Variants in ATXN7 observed in about 807,000 individuals in gnomAD.
ATXN7 encodes the protein ataxin 7, also known as ataxin-7.
Under a neutral mutation model 70.5 loss-of-function variants are expected in ATXN7, and 12 were observed. The observed-to-expected ratio is 0.17, with a 90% confidence interval of 0.11 to 0.28. The LOEUF (loss-of-function observed/expected upper bound fraction) is 0.28. ATXN7 is among the 10% of genes least tolerant of loss of function. The pLI, the probability that ATXN7 is intolerant of heterozygous loss-of-function variation, is 1.00. For missense variants in ATXN7, 1,256 were observed against 1,131.7 expected, an observed-to-expected ratio of 1.11 and a Z score of -1.58; for synonymous variants, 498 against 448.7, an observed-to-expected ratio of 1.11 and a Z score of -1.39.
At chr3:63,997,253 A>G (rs1461424474) in intron 12 of ATXN7, among the ~76,000 whole-genome samples, 4 of 151,480 alleles carry the variant, frequency 2.6e-5, no homozygotes, top group African/African-American at 9.7e-5. Flanking sequence ...CTATGTCTCA[A>G]AAAAAAAAGA....
chr3:64,003,205 C>CTTTTTTTTT lies in ATXN7; in HGVS notation c.*3754_*3762dup, dbSNP rs754267860. ...AATGTAGGGCCTTGAAAGCATTTTGCTTTTTTTTTTTTTTTTTTTTTTTTG... is the reference window on the plus strand; with the variant it reads ...AATGTAGGGCCTTGAAAGCATTTTGCTTTTTTTTTTTTTTTTTTTTTTTTTTTTTTTTTG... On this transcript the variant is annotated 3_prime_UTR_variant, in exon 13 of 13. Coordinates refer to ENST00000674280, the MANE Select transcript of ATXN7 (RefSeq NM_001377405.1). 2.3e-4 allele frequency: 17 copies of CTTTTTTTTT among 75,528 alleles called. No individual in the cohort carries two copies. The highest frequency in any genetic ancestry group is 4.7e-4 in the Admixed American group (3 of 6,330). 4.7% of individuals were successfully genotyped at this position (75,528 alleles called of 1,614,324 possible). A position where few individuals can be genotyped will look rare whatever the true frequency, so the allele number is the denominator to read the frequency against.
chr3:63,865,618 G>A (rs1013987919), intron 1 of ATXN7, among the ~76,000 whole-genome samples: 4 of 152,092 alleles, frequency 2.6e-5, no homozygotes, highest in African/African-American at 9.7e-5. Context: ...TCGGCCGGGC[G>A]CGGTGGCTCA....
At chr3:63,927,998 A>G (rs1457289748) in intron 4 of ATXN7, among the ~76,000 whole-genome samples, 3 of 152,228 alleles carry the variant, frequency 2.0e-5, no homozygotes, top group African/African-American at 4.8e-5. Flanking sequence ...TAATCTATTC[A>G]TGAATCATAT....
At chr3:63,874,510 C>T (rs115251615) in intron 1 of ATXN7, among the ~76,000 whole-genome samples, 2,914 of 152,280 alleles carry the variant, frequency 0.019, 39 homozygotes, top group African/African-American at 0.045. Context: ...GTATGTTCTC[C>T]TGTTTCATTG....
intron 4 of ATXN7, among the ~76,000 whole-genome samples, chr3:63,924,116 G>C (rs937861207): frequency 1.3e-5 from 2 of 152,194 alleles, no homozygotes; most frequent in African/African-American, 4.8e-5. Flanking sequence ...GATACGTTTG[G>C]AGGTGGAGTT....
chr3:63,927,133 T>G (rs1704749977), intron 4 of ATXN7, among the ~76,000 whole-genome samples: 2 of 152,244 alleles, frequency 1.3e-5, no homozygotes, highest in African/African-American at 4.8e-5. Context: ...TACGTGTACG[T>G]GTGCCTTTAT....
chr3:63,979,870 T>C, intron 5 of ATXN7, 45 bp from the exon 6 acceptor site: 1 of 1,604,972 alleles, frequency 6.2e-7, no homozygotes, highest in Non-Finnish European at 8.5e-7. Flanking sequence ...ACATTTGAGA[T>C]TCGCCTAAAA....
At chr3:63,920,289 G>A (rs563229925) in intron 4 of ATXN7, among the ~76,000 whole-genome samples, 1 of 152,220 alleles carries the variant, frequency 6.6e-6, no homozygotes, top group South Asian at 2.1e-4. Context: ...TCTAATCTCA[G>A]GAGGGAAGTA....
chr3:63,935,735 C>T (rs1429036377), intron 4 of ATXN7, among the ~76,000 whole-genome samples: 2 of 152,022 alleles, frequency 1.3e-5, no homozygotes, highest in African/African-American at 4.8e-5. Flanking sequence ...CAGTCTTTCA[C>T]ATGATGATAT....
At chr3:63,884,232 CACACACACAT>C (rs770119231) in intron 1 of ATXN7, among the ~76,000 whole-genome samples, 3,525 of 147,228 alleles carry the variant, frequency 0.024, 40 homozygotes, top group Non-Finnish European at 0.034. Context: ...CACACACACA[CACACACACAT>C]ACTCTCACAC....
intron 2 of ATXN7, among the ~76,000 whole-genome samples, chr3:63,908,483 T>A (rs1012614244): frequency 3.9e-5 from 6 of 152,238 alleles, no homozygotes; most frequent in Admixed American, 2.6e-4. Context: ...GATCTGAGTT[T>A]CTTGTTACTC....
rs1483220315 is a variant in ATXN7 at position 64,002,407 on chromosome 3, C to G, written c.*2940C>G. On this transcript the variant is annotated 3_prime_UTR_variant, in exon 13 of 13. Transcript: ENST00000674280. The stretch of plus-strand genomic sequence containing the variant: ...CAGATGAAGTGGGCATTGCTTCTTC[C>G]TGGTTGCCTGGTTTCCCGATAGACT... The G allele has an allele frequency of 1.3e-5, 2 of 152,434 alleles. No homozygotes were observed. Among genetic ancestry groups the G allele is most frequent in the African/African-American group, 4.8e-5 (2 of 41,376 alleles). 9.4% of individuals were successfully genotyped at this position (152,434 alleles called of 1,614,324 possible).
At chr3:63,945,044 G>A (rs1034454321) in intron 4 of ATXN7, among the ~76,000 whole-genome samples, 13 of 152,150 alleles carry the variant, frequency 8.5e-5, no homozygotes, top group African/African-American at 2.7e-4. Context: ...CACCCACCTC[G>A]GCCTCCCGAA....
intron 1 of ATXN7, among the ~76,000 whole-genome samples, chr3:63,876,278 A>G (rs890458798): frequency 4.6e-5 from 7 of 152,016 alleles, no homozygotes; most frequent in African/African-American, 1.5e-4. Context: ...AGGCATTTTT[A>G]GTGTTCTGGC....
At chr3:63,872,075 A>C (rs1221985472) in intron 1 of ATXN7, among the ~76,000 whole-genome samples, 1 of 152,156 alleles carries the variant, frequency 6.6e-6, no homozygotes, top group South Asian at 2.1e-4. Context: ...GTGGAGATAC[A>C]GTTCATTGTT....
rs575576804 is a variant in ATXN7 at position 63,916,137 on chromosome 3, C to T, written c.394+2912C>T. Among the ~76,000 whole-genome samples the T allele has an allele frequency of 1.1e-4, 17 of 152,234 alleles. No homozygotes were observed. In the South Asian group the frequency reaches 3.1e-3, roughly 28 times the overall value. ...ATTTCATCTTTCTGAATATACTTTC[C>T]CTCTTTGGAAGATAATACTACCTAC... On this transcript the variant is annotated intron_variant, in intron 4 of 12. Transcript: ENST00000674280.
In ATXN7 at chr3:63,990,802, G is replaced by T; in HGVS notation, c.1625G>T (p.Arg542Leu). 1.2e-6 allele frequency: 2 copies of T among 1,614,200 alleles called. No individual in the cohort carries two copies. Among genetic ancestry groups the T allele is most frequent in the South Asian group, 2.2e-5 (2 of 91,074 alleles). Residue 542 changes from arginine to leucine, a missense_variant, in exon 11 of 13, where the codon CGA becomes CTA. Physicochemically the swap from Arg to Leu is moderately radical, Grantham distance 102. Transcript: ENST00000674280. ...TACGTGTTTGACTCCAGGTGGAATC[G>T]ACTTCGCTGCGCCCTCAACCTCATG... ...GYYVFDSRWN[R>L]LRCALNLMVE... is the part of the protein sequence containing the mutation.
rs966759720 is a variant in ATXN7, at chr3:63,912,680, G to A, written c.82G>A (p.Ala28Thr). ...GGCGGGCGGAGCAGCGGCCGCGGCC[G>A]CCCGGCAGCAGCAGCAGCAGCAGCA... ...AAAGGAAAAA[A>T]RQQQQQQQQQ... Residue 28 changes from alanine (A) to threonine (T), a missense_variant, in exon 3 of 13, where the codon GCC (alanine) becomes ACC (threonine). Ala to Thr is a moderately conservative substitution (Grantham distance 58). Transcript: ENST00000674280. 2 of 999,046 alleles carry A rather than the reference G, an allele frequency of 2.0e-6. No homozygotes were observed. The highest frequency in any genetic ancestry group is 1.8e-5 in the African/African-American group (1 of 54,458). The allele number at this position is 999,046 out of a possible 1,614,324, so 61.9% of individuals were successfully genotyped here.
chr3:63,870,107 T>C (rs540838337), intron 1 of ATXN7, among the ~76,000 whole-genome samples: 51 of 152,330 alleles, frequency 3.3e-4, no homozygotes, highest in Admixed American at 1.4e-3. Context: ...TCTCTACACC[T>C]ACTCAGCTCT....
Sources: allele counts gnomAD v4.1 joint callset (sites outside exome capture counted in the v4.1 genomes callset), GRCh38; gene constraint gnomAD v4.1.1; transcripts MANE v1.5; gene names NCBI Gene and HGNC (gene_info 2026-07-23, HGNC 2026-07-21).